Variants in CHL1 observed in about 807,000 individuals in gnomAD.
CHL1 encodes the protein neural cell adhesion molecule L1-like protein.
In CHL1, 96 loss-of-function variants were observed where a neutral mutation model predicts 141.9. That is an observed-to-expected ratio of 0.68 (90% CI 0.57 to 0.80). CHL1 has a LOEUF of 0.80. CHL1 is among the 30% of genes least tolerant of loss of function. The probability of loss-of-function intolerance (pLI) is 0.00; values close to 1 mark genes in which losing one functional copy is unlikely to be tolerated. For synonymous variants in CHL1, 613 were observed against 502.2 expected (o/e 1.22, Z -2.95); for missense variants, 1,820 against 1,457.2 (o/e 1.25, Z -4.05).
At chr3:317,427 T>C (rs1420639143) in intron 2 of CHL1, among the ~76,000 whole-genome samples, 2 of 151,886 alleles carry the variant, frequency 1.3e-5, no homozygotes, top group East Asian at 1.9e-4. Context: ...AGAGGTGAGA[T>C]GATGTTAAAT....
rs558401795 is a variant in CHL1, at chr3:311,185, A to G, written c.-94-8498A>G. On this transcript the variant is annotated intron_variant, in intron 2 of 27. Transcript: ENST00000256509. ...ATATAAATAAAGCTGTTAAACATCCATGTACAAGTTTTTTGTGGACATAAG... is the reference window on the plus strand; with the variant it reads ...ATATAAATAAAGCTGTTAAACATCCGTGTACAAGTTTTTTGTGGACATAAG... 2.6e-5 allele frequency among the ~76,000 whole-genome samples: 4 copies of G among 152,294 alleles called. No individual in the cohort carries two copies. In the East Asian group the frequency reaches 7.7e-4, roughly 29 times the overall value.
intron 2 of CHL1, among the ~76,000 whole-genome samples, chr3:277,079 G>A (rs1469208293): frequency 1.3e-5 from 2 of 151,870 alleles, no homozygotes; most frequent in East Asian, 3.9e-4. Flanking sequence ...AAGATTAAAT[G>A]AATTACTGAT....
At chr3:215,770 A>C (rs963462299) in intron 1 of CHL1, among the ~76,000 whole-genome samples, 1 of 152,188 alleles carries the variant, frequency 6.6e-6, no homozygotes, top group Non-Finnish European at 1.5e-5. Flanking sequence ...TTAATTATAA[A>C]ATGGCTCTGT....
In CHL1 at chr3:361,692, C is replaced by T. The variant is rs772552850; in HGVS notation, c.1307-7C>T. 2 of 1,594,548 alleles carry T rather than the reference C, an allele frequency of 1.3e-6. No individual in the cohort carries two copies. Among genetic ancestry groups the T allele is most frequent in the Non-Finnish European group, 1.7e-6 (2 of 1,163,060 alleles). On this transcript the variant is annotated splice_region_variant and splice_polypyrimidine_tract_variant and intron_variant, in intron 12 of 27. Coordinates refer to ENST00000256509, the MANE Select transcript of CHL1 (RefSeq NM_006614.4). ...TTTAAAACTGCGTTTATGTTATTTT[C>T]AAATAGATGTCCGTCCATTGATACA...
rs866882021 is a variant in CHL1 at position 314,347 on chromosome 3, A to G, written c.-94-5336A>G. On this transcript the variant is annotated intron_variant, in intron 2 of 27. Transcript: ENST00000256509. Reference sequence around the variant, plus strand: ...TCTATGTGTATATATATATATATATATATATATATATATATATATATATCT... The same window carrying G: ...TCTATGTGTATATATATATATATATGTATATATATATATATATATATATCT... Among the ~76,000 whole-genome samples the G allele has an allele frequency of 6.2e-3, 563 of 90,478 alleles. 13 individuals are homozygous for G. Among genetic ancestry groups the G allele is most frequent in the African/African-American group, 0.018 (395 of 21,598 alleles). 59.4% of individuals were successfully genotyped at this position (90,478 alleles called of 152,430 possible).
chr3:269,487 G>C (rs557802927), intron 2 of CHL1, among the ~76,000 whole-genome samples: 2 of 152,170 alleles, frequency 1.3e-5, no homozygotes, highest in Non-Finnish European at 2.9e-5. Context: ...CAGCCCAGGT[G>C]GGGTACATGA....
intron 2 of CHL1, among the ~76,000 whole-genome samples, chr3:279,254 A>G (rs536510443): frequency 6.6e-6 from 1 of 152,284 alleles, no homozygotes; most frequent in South Asian, 2.1e-4. Context: ...TAGAGAAAGT[A>G]TCCGGTTTCT....
chr3:262,030 A>G, intron 2 of CHL1, among the ~76,000 whole-genome samples: 1 of 18,464 alleles, frequency 5.4e-5, no homozygotes, highest in African/African-American at 2.1e-4. Context: ...AGATCTACAC[A>G]GTACTCACAG....
chr3:240,009 G>T (rs765331744), intron 1 of CHL1, among the ~76,000 whole-genome samples: 1 of 152,122 alleles, frequency 6.6e-6, no homozygotes, highest in Non-Finnish European at 1.5e-5. Context: ...GGACATTTGG[G>T]CTGGTTCCAC....
intron 1 of CHL1, among the ~76,000 whole-genome samples, chr3:238,172 A>G (rs1463616543): frequency 6.6e-6 from 1 of 152,150 alleles, no homozygotes; most frequent in Non-Finnish European, 1.5e-5. Flanking sequence ...TCAAATTTGT[A>G]TTGAGTATTT....
Position 234,099 on chromosome 3 carries a change from C to A in CHL1, c.-174-10514C>A, listed in dbSNP as rs548235859. ...TGTGTATATGAGTGTAGCTATAGCA[C>A]TGGGTGAATATTAATATATCAATTG... On this transcript the variant is annotated intron_variant, in intron 1 of 27. Transcript: ENST00000256509. Among the ~76,000 whole-genome samples the A allele has an allele frequency of 4.6e-5, 7 of 151,858 alleles. No homozygotes were observed. In the South Asian group the frequency reaches 1.5e-3, roughly 32 times the overall value.
chr3:350,522 C>A (rs953467193), intron 10 of CHL1, among the ~76,000 whole-genome samples: 1 of 152,034 alleles, frequency 6.6e-6, no homozygotes, highest in Non-Finnish European at 1.5e-5. Context: ...GCTCTAGGCA[C>A]CCATTAATAT....
intron 2 of CHL1, among the ~76,000 whole-genome samples, chr3:257,273 G>A (rs528192804): frequency 4.0e-5 from 6 of 151,786 alleles, no homozygotes; most frequent in African/African-American, 1.2e-4. Flanking sequence ...AATATTTCAG[G>A]TAGAGTCAAA....
chr3:275,335 T>C (rs148239350), intron 2 of CHL1, among the ~76,000 whole-genome samples: 1 of 152,348 alleles, frequency 6.6e-6, no homozygotes, highest in East Asian at 1.9e-4. Flanking sequence ...CTTGTCAGAC[T>C]GAGAAAAGAA....
intron 16 of CHL1, among the ~76,000 whole-genome samples, chr3:379,105 C>T (rs764954856): frequency 6.6e-6 from 1 of 152,070 alleles, no homozygotes; most frequent in African/African-American, 2.4e-5. Context: ...CTTTAGCACT[C>T]CAGCTGTTGG....
intron 1 of CHL1, among the ~76,000 whole-genome samples, chr3:223,828 G>C (rs553388634): frequency 6.6e-6 from 1 of 152,244 alleles, no homozygotes; most frequent in East Asian, 1.9e-4. Context: ...GATAGGTTGG[G>C]GCAGGGATGA....
intron 24 of CHL1, among the ~76,000 whole-genome samples, chr3:396,234 C>T (rs1354217169): frequency 6.6e-6 from 1 of 152,150 alleles, no homozygotes; most frequent in Admixed American, 6.5e-5. Flanking sequence ...TTGGAAACTT[C>T]CCAGTAACTA....
chr3:362,241 A>G (rs977876993), intron 13 of CHL1, among the ~76,000 whole-genome samples: 1 of 152,142 alleles, frequency 6.6e-6, no homozygotes, highest in African/African-American at 2.4e-5. Context: ...TTTAATTTCA[A>G]TGAATTAATT....
At chr3:273,195 A>C (rs1044048501) in intron 2 of CHL1, among the ~76,000 whole-genome samples, 1 of 152,168 alleles carries the variant, frequency 6.6e-6, no homozygotes, top group Admixed American at 6.5e-5. Context: ...AGTTTTGTGC[A>C]TTCTTCAGTG....
Sources: allele counts gnomAD v4.1 joint callset (sites outside exome capture counted in the v4.1 genomes callset), GRCh38; gene constraint gnomAD v4.1.1; transcripts MANE v1.5; gene names NCBI Gene and HGNC (gene_info 2026-07-23, HGNC 2026-07-21).